NMU: variants seen among roughly 807,000 people sequenced by gnomAD.
The protein encoded by NMU is neuromedin U, also known as neuromedin-U.
A neutral mutation model predicts 35.4 loss-of-function variants in NMU; 29 were observed. The observed-to-expected ratio is 0.82, with a 90% CI of 0.61 to 1.12. The LOEUF is 1.12. Among genes scored for constraint, NMU ranks in the 50% most tolerant of loss-of-function variants. The probability of loss-of-function intolerance (pLI) is 0.00; values close to 1 mark genes in which losing one functional copy is unlikely to be tolerated. For missense variants in NMU, 199 were observed against 206.2 expected (o/e 0.97, Z 0.21); for synonymous variants, 78 against 81.3 (o/e 0.96, Z 0.22).
intron 7 of NMU, among the ~76,000 whole-genome samples, chr4:55,603,695 G>A (rs1160860953): frequency 6.6e-6 from 1 of 151,494 alleles, no homozygotes; most frequent in Non-Finnish European, 1.5e-5. Flanking sequence ...GGCGGATCAC[G>A]AGGTCAGGAG....
intron 4 of NMU, 37 bp from the exon 5 acceptor site, chr4:55,607,503 T>C (rs1240241570): frequency 1.3e-6 from 1 of 753,326 alleles, no homozygotes; most frequent in Non-Finnish European, 2.2e-6. Context: ...CATTATATAT[T>C]GTAAAATTTT....
At position 55,609,131 on chromosome 4, in the gene NMU, G is replaced by T. The variant is rs960272263; in HGVS notation, c.268C>A (p.Pro90Thr). 6.8e-6 allele frequency: 11 copies of T among 1,613,004 alleles called. No homozygotes were observed. The African/African-American group carries it at 1.3e-4, about 20-fold the overall frequency. Residue 90 changes from proline (P) to threonine (T), a missense_variant, in exon 4 of 10, where the codon CCA becomes ACA. Coordinates refer to ENST00000264218, the MANE Select transcript of NMU (RefSeq NM_006681.4). Reference sequence around the variant, plus strand: ...TATTTCAAGCTTACCTGAGGCTTTGGTAGCATTCCCATAATCATAAAGCAA... The same window carrying T: ...TATTTCAAGCTTACCTGAGGCTTTGTTAGCATTCCCATAATCATAAAGCAA... The part of the protein sequence containing the change: ...ELCFMIMGML[P>T]KPQEQDEKDN...
At chr4:55,615,378 G>A (rs1734074050) in intron 3 of NMU, among the ~76,000 whole-genome samples, 1 of 152,176 alleles carries the variant, frequency 6.6e-6, no homozygotes, top group South Asian at 2.1e-4. Context: ...CTGTGGCTGA[G>A]AATCTGACTG....
chr4:55,614,268 G>T (rs1734035845), intron 3 of NMU, among the ~76,000 whole-genome samples: 1 of 152,052 alleles, frequency 6.6e-6, no homozygotes, highest in Admixed American at 6.5e-5. Flanking sequence ...TATTTTGTAT[G>T]TATTCTTCCA....
chr4:55,606,816 C>T (rs1272427023), intron 6 of NMU, among the ~76,000 whole-genome samples: 9 of 151,578 alleles, frequency 5.9e-5, no homozygotes, highest in Non-Finnish European at 8.8e-5. Context: ...TAGCTGAGAC[C>T]ACAGGCGTGC....
chr4:55,599,754 A>T (rs1733349588), intron 8 of NMU, among the ~76,000 whole-genome samples: 2 of 152,120 alleles, frequency 1.3e-5, no homozygotes, highest in African/African-American at 4.8e-5. Flanking sequence ...TACCTCTTCC[A>T]TTCCCCAGCT....
intron 3 of NMU, among the ~76,000 whole-genome samples, chr4:55,614,812 T>C (rs1433082178): frequency 2.0e-5 from 3 of 152,320 alleles, no homozygotes; most frequent in African/African-American, 7.2e-5. Context: ...ACAATACAAA[T>C]GCATATATGC....
intron 2 of NMU, among the ~76,000 whole-genome samples, chr4:55,626,755 C>T (rs933597006): frequency 2.0e-5 from 3 of 152,100 alleles, no homozygotes; most frequent in African/African-American, 7.2e-5. Flanking sequence ...AAGGCCCTTA[C>T]CTTTTTCCAT....
At chr4:55,612,246 T>C (rs1733959744) in intron 3 of NMU, among the ~76,000 whole-genome samples, 1 of 152,186 alleles carries the variant, frequency 6.6e-6, no homozygotes, top group African/African-American at 2.4e-5. Flanking sequence ...ATTGTTTTCT[T>C]TTAATTAGCT....
intron 7 of NMU, among the ~76,000 whole-genome samples, chr4:55,604,476 A>G (rs2110187672): frequency 1.3e-5 from 2 of 151,814 alleles, no homozygotes; most frequent in East Asian, 3.9e-4. Flanking sequence ...TTTTTTGTTG[A>G]AAAAAACAAA....
intron 7 of NMU, among the ~76,000 whole-genome samples, 164 bp downstream of exon 7, chr4:55,605,111 A>G (rs1733625629): frequency 6.6e-6 from 1 of 152,134 alleles, no homozygotes; most frequent in Admixed American, 6.6e-5. Flanking sequence ...GGCTTGAACA[A>G]TTCTCTTCTA....
chr4:55,616,469 T>A, intron 2 of NMU, 84 bp from the exon 3 acceptor site: 1 of 1,020,890 alleles, frequency 9.8e-7, no homozygotes. Context: ...ACATTACCTA[T>A]GGAACATTAA....
At chr4:55,609,030 T>G (rs1178298622) in intron 4 of NMU, 90 bp downstream of exon 4, 1 of 1,041,292 alleles carries the variant, frequency 9.6e-7, no homozygotes, top group East Asian at 2.4e-5. Context: ...TTGGCATGCT[T>G]CCTAAATTGG....
At chr4:55,630,578 C>T in intron 1 of NMU, 118 bp from the exon 2 acceptor site, 1 of 762,120 alleles carries the variant, frequency 1.3e-6, no homozygotes. Context: ...CATCACCCAC[C>T]TATTTCAATA....
intron 2 of NMU, among the ~76,000 whole-genome samples, chr4:55,628,095 A>G (rs184835080): frequency 3.0e-4 from 45 of 152,276 alleles, no homozygotes; most frequent in Admixed American, 1.9e-3. Flanking sequence ...TTGGCACAGC[A>G]TATTTATCTA....
chr4:55,604,029 T>TACATGTGTATATATACA (rs1577937041), intron 7 of NMU, among the ~76,000 whole-genome samples: 12 of 1,954 alleles, frequency 6.1e-3, no homozygotes, highest in East Asian at 0.077. Flanking sequence ...ATATATATAA[T>TACATGTGTATATATACA]CCTAGAAATT....
At chr4:55,625,568 G>T (rs550964969) in intron 2 of NMU, among the ~76,000 whole-genome samples, 3 of 152,144 alleles carry the variant, frequency 2.0e-5, no homozygotes, top group African/African-American at 7.2e-5. Context: ...TTTGTTGCGG[G>T]TGACCTAGGT....
intron 3 of NMU, among the ~76,000 whole-genome samples, chr4:55,614,878 T>G (rs1734058579): frequency 6.6e-6 from 1 of 152,236 alleles, no homozygotes; most frequent in Non-Finnish European, 1.5e-5. Flanking sequence ...CTTGAATAAT[T>G]TGAAATATTG....
intron 1 of NMU, among the ~76,000 whole-genome samples, chr4:55,634,758 G>A (rs1021144358): frequency 5.3e-5 from 8 of 152,100 alleles, no homozygotes; most frequent in African/African-American, 1.9e-4. Context: ...TTACCTTGGG[G>A]GAAAGTCATG....
Sources: allele counts gnomAD v4.1 joint callset (sites outside exome capture counted in the v4.1 genomes callset), GRCh38; gene constraint gnomAD v4.1.1; transcripts MANE v1.5; gene names NCBI Gene and HGNC (gene_info 2026-07-23, HGNC 2026-07-21).